AFF1: variants seen among roughly 807,000 people sequenced by gnomAD.
The protein encoded by AFF1 is ALF transcription elongation factor 1.
A neutral mutation model predicts 121.7 loss-of-function variants in AFF1; 48 were observed. That is an observed-to-expected ratio of 0.39 (90% CI 0.31 to 0.50). The LOEUF (loss-of-function observed/expected upper bound fraction) is 0.50. AFF1 is among the 20% of genes least tolerant of loss of function. The pLI, the probability that AFF1 is intolerant of heterozygous loss-of-function variation, is 0.76. For missense variants in AFF1, 1,523 were observed against 1,511.7 expected (o/e 1.01, Z -0.12); for synonymous variants, 613 against 563.0 (o/e 1.09, Z -1.26).
At chr4:87,022,877 C>G (rs1728167354) in intron 2 of AFF1, among the ~76,000 whole-genome samples, 1 of 151,218 alleles carries the variant, frequency 6.6e-6, no homozygotes, top group Non-Finnish European at 1.5e-5. Flanking sequence ...AATCATACAT[C>G]CAAGCCAAAA....
intron 1 of AFF1, among the ~76,000 whole-genome samples, chr4:86,948,169 C>G (rs901739535): frequency 6.6e-6 from 1 of 152,024 alleles, no homozygotes; most frequent in Admixed American, 6.6e-5. Flanking sequence ...TTTAAAAGGG[C>G]TTATTTATAT....
chr4:87,069,378 CTTCTGTCCCCATCTCCTCTCTT>C (rs1721736666), intron 4 of AFF1, among the ~76,000 whole-genome samples: 1 of 148,430 alleles, frequency 6.7e-6, no homozygotes. Context: ...CCTCCCTCTC[CTTCTGTCCCCATCTCCTCTCTT>C]TTCTGTCTCT....
At chr4:87,084,477 A>G (rs891053385) in intron 5 of AFF1, among the ~76,000 whole-genome samples, 1 of 151,954 alleles carries the variant, frequency 6.6e-6, no homozygotes, top group Non-Finnish European at 1.5e-5. Context: ...TGAACCCGAG[A>G]GGTGGAGGCT....
chr4:87,104,894 A>C (rs1357475684), intron 8 of AFF1, among the ~76,000 whole-genome samples: 1 of 152,164 alleles, frequency 6.6e-6, no homozygotes, highest in Non-Finnish European at 1.5e-5. Flanking sequence ...AAACAATAGC[A>C]ATAAGGTTAA....
rs962948721 is a variant in AFF1 at position 87,047,245 on chromosome 4, T to C, written c.710T>C (p.Val237Ala). The change falls in exon 4 of 21, where the codon GTT becomes GCT. Residue 237 changes from valine to alanine, a missense_variant. Transcript: ENST00000395146. ...TLPRTQGSSK[V>A]HGSSNNSKGY... Reference sequence around the variant, plus strand: ...CCCCGGACGCAAGGAAGCAGCAAGGTTCATGGCAGCAGCAATAACAGTAAA... The same window carrying C: ...CCCCGGACGCAAGGAAGCAGCAAGGCTCATGGCAGCAGCAATAACAGTAAA... The C allele has an allele frequency of 4.0e-5, 65 of 1,613,968 alleles. No homozygotes were observed. The highest frequency in any genetic ancestry group is 5.3e-5 in the Non-Finnish European group (63 of 1,180,026).
chr4:87,008,056 G>A (rs895384113), intron 2 of AFF1, among the ~76,000 whole-genome samples: 5 of 148,054 alleles, frequency 3.4e-5, no homozygotes, highest in South Asian at 2.1e-4. Context: ...TCCATGGTTT[G>A]TTACTGTTTT....
chr4:87,136,116 A>G lies in AFF1; in HGVS notation c.*415A>G. 4.2e-6 allele frequency: 1 copy of G among 236,932 alleles called. No individual in the cohort carries two copies. Among genetic ancestry groups the G allele is most frequent in the Non-Finnish European group, 8.3e-6 (1 of 120,862 alleles). 14.7% of individuals were successfully genotyped at this position (236,932 alleles called of 1,614,324 possible). A position where few individuals can be genotyped will look rare whatever the true frequency, so the allele number is the denominator to read the frequency against. On this transcript the variant is annotated 3_prime_UTR_variant, in exon 21 of 21. Transcript: ENST00000395146. Reference sequence around the variant, plus strand: ...CCACGCTAGTCCATTCCCAGAAGGAAATTTTTTTTTTTAACAATGACTTTT... The same window carrying G: ...CCACGCTAGTCCATTCCCAGAAGGAGATTTTTTTTTTTAACAATGACTTTT...
chr4:87,138,514 TG>T lies in AFF1; in HGVS notation c.*2814del, dbSNP rs1333927186. On this transcript the variant is annotated 3_prime_UTR_variant, in exon 21 of 21. Coordinates refer to ENST00000395146, the MANE Select transcript of AFF1 (RefSeq NM_001166693.3). ...AGGTGTGTGTGTGTGTGTGTGTGTG[TG>T]TGTGTGTCTTTAGTAGGAAATGGAA... is the stretch of plus-strand genomic sequence containing the variant. The T allele has an allele frequency of 5.1e-4, 70 of 136,252 alleles. No individual in the cohort carries two copies. The highest frequency in any genetic ancestry group is 5.0e-4 in the East Asian group (3 of 6,048). 8.4% of individuals were successfully genotyped at this position (136,252 alleles called of 1,614,324 possible).
intron 4 of AFF1, among the ~76,000 whole-genome samples, chr4:87,065,243 C>T (rs13120301): frequency 0.39 from 59,133 of 151,924 alleles, 11,751 homozygotes; most frequent in Middle Eastern, 0.42. Context: ...ACGTGAGTGG[C>T]GGCAAAGAGA....
intron 2 of AFF1, among the ~76,000 whole-genome samples, chr4:87,018,531 T>C (rs1048994076): frequency 9.2e-5 from 14 of 152,206 alleles, no homozygotes; most frequent in African/African-American, 1.4e-4. Flanking sequence ...GATGGCTTTT[T>C]TTGAGACAGA....
At chr4:87,070,749 T>C (rs966719200) in intron 4 of AFF1, among the ~76,000 whole-genome samples, 3 of 152,282 alleles carry the variant, frequency 2.0e-5, no homozygotes, top group Non-Finnish European at 2.9e-5. Context: ...ATAATTTTCC[T>C]TCAATACAGA....
At position 87,125,038 on chromosome 4, in the gene AFF1, G is replaced by A. The variant is rs767712396; in HGVS notation, c.2468G>A (p.Gly823Asp). The A allele has an allele frequency of 1.3e-6, 2 of 1,599,032 alleles. No homozygotes were observed. Among genetic ancestry groups the A allele is most frequent in the African/African-American group, 1.3e-5 (1 of 74,488 alleles). Residue 823 changes from glycine (G) to aspartate (D), a missense_variant and splice_region_variant, in exon 13 of 21, where the codon GGT (glycine) becomes GAT (aspartate). Gly to Asp is a moderately conservative substitution (Grantham distance 94). This residue lies in a region of AFF1 where 905 missense variants were observed against 842.5 expected (regional missense o/e 1.07). Transcript: ENST00000395146. ...SSSKLAKKRK[G>D]EAERDCDNKK... ...GCTTTGCTGATTATACTGTAATAGG[G>A]TGAAGCAGAAAGAGACTGTGATAAC...
At chr4:86,949,860 A>G in intron 2 of AFF1, 1 of 1,613,952 alleles carries the variant, frequency 6.2e-7, no homozygotes, top group South Asian at 1.1e-5. Context: ...TAGTTGGGGC[A>G]GGACACCAGC....
At chr4:86,996,736 A>T (rs944960132) in intron 2 of AFF1, among the ~76,000 whole-genome samples, 1 of 152,172 alleles carries the variant, frequency 6.6e-6, no homozygotes. Context: ...ACAAACAAAC[A>T]AACAAAAAAA....
intron 4 of AFF1, among the ~76,000 whole-genome samples, chr4:87,057,455 G>C (rs1390633917): frequency 2.0e-5 from 3 of 152,078 alleles, no homozygotes; most frequent in African/African-American, 7.2e-5. Context: ...CAGTTTATTC[G>C]TCTGTAAGTA....
chr4:87,020,071 A>C (rs757879386), intron 2 of AFF1, among the ~76,000 whole-genome samples: 53 of 152,332 alleles, frequency 3.5e-4, no homozygotes, highest in Non-Finnish European at 5.9e-4. Flanking sequence ...CCTTTTTCTC[A>C]AGGGATTCTG....
intron 2 of AFF1, among the ~76,000 whole-genome samples, chr4:87,002,103 CCTTT>C (rs1426287626): frequency 6.8e-6 from 1 of 147,746 alleles, no homozygotes; most frequent in Non-Finnish European, 1.5e-5. Flanking sequence ...CTTTTCTTTT[CCTTT>C]TTTTTTTTTT....
intron 4 of AFF1, among the ~76,000 whole-genome samples, chr4:87,064,962 A>G (rs1264590031): frequency 6.6e-6 from 1 of 151,644 alleles, no homozygotes; most frequent in East Asian, 1.9e-4. Flanking sequence ...TCACTTGAGC[A>G]CAGGAAGTGT....
intron 4 of AFF1, among the ~76,000 whole-genome samples, chr4:87,068,241 T>G (rs941825603): frequency 7.0e-6 from 1 of 142,472 alleles, no homozygotes; most frequent in Non-Finnish European, 1.5e-5. Flanking sequence ...TGGGCTATAA[T>G]GTAAGCATGA....
Sources: allele counts gnomAD v4.1 joint callset (sites outside exome capture counted in the v4.1 genomes callset), GRCh38; gene constraint gnomAD v4.1.1; regional missense constraint gnomAD v4.1.1; transcripts MANE v1.5; gene names NCBI Gene and HGNC (gene_info 2026-07-23, HGNC 2026-07-21).